Variants in SEMA3A observed in about 807,000 individuals in gnomAD.
SEMA3A encodes semaphorin-3A.
In SEMA3A, 29 loss-of-function variants were observed where a neutral mutation model predicts 97.9. The observed-to-expected ratio is 0.30, with a 90% CI of 0.22 to 0.40. The LOEUF (loss-of-function observed/expected upper bound fraction) is 0.40, where lower values mean the gene tolerates loss of function less well. SEMA3A is among the 10% of genes least tolerant of loss of function. SEMA3A has a pLI of 1.00. For synonymous variants in SEMA3A, 321 were observed against 323.7 expected (o/e 0.99, Z 0.09); for missense variants, 763 against 951.3 (o/e 0.80, Z 2.60).
chr7:84,351,121 T>C (rs1056584512), intron 2 of SEMA3A, among the ~76,000 whole-genome samples: 19 of 151,808 alleles, frequency 1.3e-4, no homozygotes, highest in Non-Finnish European at 2.6e-4. Context: ...CACTAGAACA[T>C]ATTTTTGAGA....
chr7:84,282,341 C>A (rs1329171679), intron 3 of SEMA3A, among the ~76,000 whole-genome samples: 1 of 152,134 alleles, frequency 6.6e-6, no homozygotes, highest in Admixed American at 6.6e-5. Flanking sequence ...ATTATTTATT[C>A]AACTTCCAGA....
intron 3 of SEMA3A, among the ~76,000 whole-genome samples, chr7:84,281,115 A>G (rs540637374): frequency 6.6e-6 from 1 of 152,144 alleles, no homozygotes; most frequent in African/African-American, 2.4e-5. Context: ...TCTGCCAGCC[A>G]TTGCTCCTGA....
chr7:83,994,534 A>C (rs1291903784), intron 12 of SEMA3A, among the ~76,000 whole-genome samples: 1 of 134,176 alleles, frequency 7.5e-6, no homozygotes, highest in Non-Finnish European at 1.6e-5. Context: ...TCCTTCTAAC[A>C]GACAGGACCC....
At chr7:84,400,951 G>T (rs746659050) in intron 1 of SEMA3A, among the ~76,000 whole-genome samples, 1 of 152,132 alleles carries the variant, frequency 6.6e-6, no homozygotes, top group Non-Finnish European at 1.5e-5. Flanking sequence ...TTTCCTGTAA[G>T]AACTGGAACA....
At chr7:84,170,772 G>A (rs1329557994) in intron 1 of SEMA3A, among the ~76,000 whole-genome samples, 1 of 151,992 alleles carries the variant, frequency 6.6e-6, no homozygotes, top group Non-Finnish European at 1.5e-5. Context: ...TTCCAAGTTG[G>A]AAATAGTGTG....
At chr7:84,366,417 T>C (rs1802848784) in intron 2 of SEMA3A, among the ~76,000 whole-genome samples, 1 of 151,458 alleles carries the variant, frequency 6.6e-6, no homozygotes, top group East Asian at 1.9e-4. Context: ...GGTACAGTAA[T>C]ATAATATTAA....
chr7:84,428,875 TGA>T (rs1471437859), intron 1 of SEMA3A, among the ~76,000 whole-genome samples: 1 of 152,070 alleles, frequency 6.6e-6, no homozygotes, highest in Non-Finnish European at 1.5e-5. Flanking sequence ...AGTTATTTAA[TGA>T]GAGGGAGAAA....
At chr7:84,397,002 T>C (rs1803753810) in intron 1 of SEMA3A, among the ~76,000 whole-genome samples, 1 of 152,072 alleles carries the variant, frequency 6.6e-6, no homozygotes, top group South Asian at 2.1e-4. Context: ...ATTTTTGTTC[T>C]GTACCAATCA....
At chr7:84,082,323 G>A (rs554752670) in intron 4 of SEMA3A, among the ~76,000 whole-genome samples, 5 of 152,238 alleles carry the variant, frequency 3.3e-5, no homozygotes, top group East Asian at 1.9e-4. Flanking sequence ...AGAGCTACAC[G>A]GCAAGAATGA....
chr7:84,233,232 G>A (rs562141871), intron 3 of SEMA3A, among the ~76,000 whole-genome samples: 1 of 151,904 alleles, frequency 6.6e-6, no homozygotes, highest in South Asian at 2.1e-4. Context: ...TATATGTATT[G>A]TCTTGGGTAA....
intron 1 of SEMA3A, among the ~76,000 whole-genome samples, chr7:84,386,548 G>T (rs2116159108): frequency 6.6e-6 from 1 of 152,176 alleles, no homozygotes; most frequent in Non-Finnish European, 1.5e-5. Context: ...GGAGAAAAAT[G>T]GAATATTCAG....
chr7:84,402,995 C>T (rs1398027064), intron 1 of SEMA3A, among the ~76,000 whole-genome samples: 2 of 152,120 alleles, frequency 1.3e-5, no homozygotes, highest in Admixed American at 6.5e-5. Flanking sequence ...ATGATTTCTG[C>T]ATTTCCAACT....
intron 14 of SEMA3A, among the ~76,000 whole-genome samples, chr7:83,978,162 C>G (rs1021511915): frequency 6.6e-6 from 1 of 151,984 alleles, no homozygotes; most frequent in Admixed American, 6.6e-5. Context: ...TGATTGCAAA[C>G]CAATTTACCT....
intron 2 of SEMA3A, among the ~76,000 whole-genome samples, chr7:84,132,575 A>C (rs1421343823): frequency 1.3e-5 from 2 of 151,888 alleles, no homozygotes; most frequent in Non-Finnish European, 2.9e-5. Flanking sequence ...GAATATCACA[A>C]AATGATAAAT....
At chr7:84,076,648 T>A (rs1355806253) in intron 4 of SEMA3A, among the ~76,000 whole-genome samples, 2 of 152,138 alleles carry the variant, frequency 1.3e-5, no homozygotes, top group Non-Finnish European at 2.9e-5. Flanking sequence ...GGTCTTCATG[T>A]TACACTATTA....
chr7:84,094,120 G>T (rs1284699435), intron 4 of SEMA3A, among the ~76,000 whole-genome samples: 2 of 152,004 alleles, frequency 1.3e-5, no homozygotes, highest in African/African-American at 4.8e-5. Context: ...AGGCCAGAGA[G>T]GGGAGAGGTG....
At chr7:84,484,878 A>G (rs1309326476) in intron 1 of SEMA3A, among the ~76,000 whole-genome samples, 1 of 152,192 alleles carries the variant, frequency 6.6e-6, no homozygotes, top group African/African-American at 2.4e-5. Context: ...AGTCCAAAGG[A>G]ATGGAACTAT....
chr7:84,298,424 G>C lies in SEMA3A; in HGVS notation c.-83+8783C>G, dbSNP rs1311264861. ...TAAGACAAGGAGGAAAGATAAAAGT[G>C]ACCACCTCAACATAAGATTTCAAGG... is the stretch of plus-strand genomic sequence containing the variant. On this transcript the variant is annotated intron_variant, in intron 3 of 3. Coordinates refer to the SEMA3A transcript ENST00000424555. Among the ~76,000 whole-genome samples, 3 of 152,152 alleles carry C rather than the reference G, an allele frequency of 2.0e-5. No homozygotes were observed. In the East Asian group the frequency reaches 5.8e-4, roughly 29 times the overall value.
intron 2 of SEMA3A, among the ~76,000 whole-genome samples, chr7:84,346,858 C>A (rs1231787358): frequency 4.6e-5 from 7 of 152,166 alleles, no homozygotes; most frequent in African/African-American, 1.7e-4. Flanking sequence ...TTGCCAGAAA[C>A]CGCTGGTTTG....
Sources: allele counts gnomAD v4.1 joint callset (sites outside exome capture counted in the v4.1 genomes callset), GRCh38; gene constraint gnomAD v4.1.1; transcripts MANE v1.5; gene names NCBI Gene and HGNC (gene_info 2026-07-23, HGNC 2026-07-21).